INTU: variants seen among roughly 807,000 people sequenced by gnomAD.
INTU encodes the protein protein inturned.
In INTU, 68 loss-of-function variants were observed where a neutral mutation model predicts 100.5. The ratio of observed to expected loss-of-function variants is 0.68; its 90% confidence interval spans 0.56 to 0.83. The LOEUF (loss-of-function observed/expected upper bound fraction) is 0.83, where lower values mean the gene tolerates loss of function less well. INTU is among the 40% of genes least tolerant of loss of function. INTU has a pLI of 0.00. For synonymous variants in INTU, 357 were observed against 395.7 expected (o/e 0.90, Z 1.16); for missense variants, 1,071 against 1,114.7 (o/e 0.96, Z 0.56).
chr4:127,689,798 T>C (rs191084082), intron 8 of INTU, among the ~76,000 whole-genome samples: 1 of 152,062 alleles, frequency 6.6e-6, no homozygotes, highest in Non-Finnish European at 1.5e-5. Flanking sequence ...GTGTTCGATA[T>C]AGATAGAAAC....
Position 127,677,139 on chromosome 4 carries a change from G to A in INTU, c.1181+2926G>A, listed in dbSNP as rs368619074. Among the ~76,000 whole-genome samples the A allele has an allele frequency of 1.1e-4, 16 of 152,326 alleles. No individual in the cohort carries two copies. The East Asian group carries it at 2.5e-3, about 24-fold the overall frequency. On this transcript the variant is annotated intron_variant, in intron 6 of 15. Transcript: ENST00000335251. Reference sequence around the variant, plus strand: ...AGCCCACCACAGCTCAAGGAGGCCTGCCTGCCTCTGTAGGCTCCACCTCTG... The same window carrying A: ...AGCCCACCACAGCTCAAGGAGGCCTACCTGCCTCTGTAGGCTCCACCTCTG...
At chr4:127,672,283 C>A (rs1259960391) in intron 5 of INTU, among the ~76,000 whole-genome samples, 1 of 152,286 alleles carries the variant, frequency 6.6e-6, no homozygotes, top group Admixed American at 6.5e-5. Context: ...GCCAGCCCAA[C>A]CCCTGGGCAA....
chr4:127,693,157 G>C (rs1327758090), intron 8 of INTU, among the ~76,000 whole-genome samples: 2 of 152,086 alleles, frequency 1.3e-5, no homozygotes, highest in Non-Finnish European at 2.9e-5. Flanking sequence ...TGAATTTGTA[G>C]ATTGCTTTTG....
chr4:127,670,266 G>GA (rs1234150622), intron 5 of INTU, among the ~76,000 whole-genome samples: 3 of 151,602 alleles, frequency 2.0e-5, no homozygotes, highest in East Asian at 1.9e-4. Flanking sequence ...CCGTAATACT[G>GA]AAAAAATATC....
intron 2 of INTU, among the ~76,000 whole-genome samples, chr4:127,652,434 T>C (rs1727936224): frequency 2.4e-5 from 3 of 126,218 alleles, no homozygotes; most frequent in African/African-American, 3.3e-5. Context: ...GCATGAAGGG[T>C]TGTTGAATTT....
At chr4:127,633,412 A>G (rs995742929) in intron 1 of INTU, among the ~76,000 whole-genome samples, 2 of 152,064 alleles carry the variant, frequency 1.3e-5, no homozygotes, top group African/African-American at 4.8e-5. Flanking sequence ...TGTTTTTTCA[A>G]TGATTCTTAG....
rs774770484 is a variant in INTU, at chr4:127,714,040, A to C, written c.2664A>C (p.Gly888=). The C allele has an allele frequency of 6.2e-7, 1 of 1,613,782 alleles. No homozygotes were observed. The highest frequency in any genetic ancestry group is 1.7e-5 in the Admixed American group (1 of 59,952). Residue 888 remains glycine, a synonymous_variant, in exon 15 of 16, where the codon GGA becomes GGC. Transcript: ENST00000335251. ...GTGTGTTGTTTGAATGTTCACCTGG[A>C]AACTGGACTGATCAGAAAAAAGCAC... ...EHGVLFECSP[G]NWTDQKKAPP... is the part of the protein sequence containing the mutation.
chr4:127,673,295 C>T (rs980655493), intron 5 of INTU, among the ~76,000 whole-genome samples: 3 of 151,844 alleles, frequency 2.0e-5, no homozygotes, highest in Non-Finnish European at 4.4e-5. Flanking sequence ...TCCCATCTCA[C>T]TCCCCACCCC....
intron 3 of INTU, among the ~76,000 whole-genome samples, chr4:127,660,342 T>C (rs961024695): frequency 2.0e-5 from 3 of 152,160 alleles, no homozygotes; most frequent in African/African-American, 7.2e-5. Flanking sequence ...GCTGAGCCAG[T>C]CAGACTCGAT....
rs1731371377 is a variant in INTU, at chr4:127,723,193, A to G, written c.*6757A>G. ...CGAGGGAGTTCACTTTGCTGCGTGC[A>G]GTTCCTGGATGGGATCTTGCTCCAC... On this transcript the variant is annotated 3_prime_UTR_variant, in exon 16 of 16. Coordinates refer to ENST00000335251, the MANE Select transcript of INTU (RefSeq NM_015693.4). 1 of 152,148 alleles carries G rather than the reference A, an allele frequency of 6.6e-6. No homozygotes were observed. The highest frequency in any genetic ancestry group is 2.1e-4 in the South Asian group (1 of 4,818). 9.4% of individuals were successfully genotyped at this position (152,148 alleles called of 1,614,324 possible).
chr4:127,687,525 G>A (rs1012365924), intron 7 of INTU, 153 bp from the exon 8 acceptor site: 16 of 586,372 alleles, frequency 2.7e-5, no homozygotes, highest in East Asian at 5.8e-5. Flanking sequence ...TACACAATCC[G>A]TCAGTAACAT....
intron 2 of INTU, among the ~76,000 whole-genome samples, chr4:127,653,644 A>G (rs1288977013): frequency 6.6e-6 from 1 of 151,184 alleles, no homozygotes; most frequent in African/African-American, 2.4e-5. Context: ...ACTTCCAACT[A>G]TGTGGTCAAT....
chr4:127,633,242 G>A, intron 1 of INTU, 62 bp downstream of exon 1: 2 of 1,554,152 alleles, frequency 1.3e-6, no homozygotes, highest in African/African-American at 1.4e-5. Flanking sequence ...ATACACGTGG[G>A]CTGGGGGAAC....
At chr4:127,684,161 T>G (rs940017853) in intron 6 of INTU, among the ~76,000 whole-genome samples, 31 of 152,202 alleles carry the variant, frequency 2.0e-4, no homozygotes, top group African/African-American at 6.3e-4. Flanking sequence ...GAAACTGAAC[T>G]TTAGAGACAG....
At chr4:127,694,016 A>G (rs775112026) in intron 8 of INTU, among the ~76,000 whole-genome samples, 1 of 152,104 alleles carries the variant, frequency 6.6e-6, no homozygotes, top group Non-Finnish European at 1.5e-5. Flanking sequence ...CATCAGGGAT[A>G]TCAGTCTGTA....
intron 2 of INTU, among the ~76,000 whole-genome samples, chr4:127,647,468 C>G (rs1400068432): frequency 2.0e-5 from 3 of 152,176 alleles, no homozygotes; most frequent in Non-Finnish European, 4.4e-5. Flanking sequence ...GACCCTGACA[C>G]TTTTGCCTTC....
intron 2 of INTU, among the ~76,000 whole-genome samples, chr4:127,650,784 A>C (rs1727822881): frequency 6.6e-6 from 1 of 151,700 alleles, no homozygotes; most frequent in South Asian, 2.1e-4. Flanking sequence ...TAGATCCCTG[A>C]GGAATCGCCA....
intron 5 of INTU, among the ~76,000 whole-genome samples, chr4:127,673,429 C>G (rs922789542): frequency 6.6e-6 from 1 of 151,004 alleles, no homozygotes. Context: ...AAGTGATCTT[C>G]CCACTTTAGC....
At chr4:127,653,618 T>C (rs1165530414) in intron 2 of INTU, among the ~76,000 whole-genome samples, 4 of 152,078 alleles carry the variant, frequency 2.6e-5, no homozygotes, top group African/African-American at 9.7e-5. Context: ...CTTTTACATT[T>C]GCTGAGGAGA....
Sources: gnomAD v4.1 joint callset for allele counts (sites outside exome capture counted in the v4.1 genomes callset) on GRCh38, gnomAD v4.1.1 for gene constraint, MANE v1.5 for transcripts, NCBI Gene and HGNC (gene_info 2026-07-23, HGNC 2026-07-21) for gene names.